OPN5: variants seen among roughly 807,000 people sequenced by gnomAD.
OPN5 encodes opsin 5.
OPN5 carries 18 observed loss-of-function variants against 41.7 expected under a neutral mutation model. The ratio of observed to expected loss-of-function variants is 0.43; its 90% CI spans 0.30 to 0.64. The LOEUF is 0.64. Among genes scored for constraint, OPN5 ranks in the 30% least tolerant of loss-of-function variants. The pLI is 0.13. For missense variants in OPN5, 318 were observed against 434.5 expected (o/e 0.73, Z 2.38); for synonymous variants, 178 against 164.3 (o/e 1.08, Z -0.64).
At chr6:47,818,464 T>C (rs1762497625) in intron 6 of OPN5, among the ~76,000 whole-genome samples, 2 of 152,230 alleles carry the variant, frequency 1.3e-5, no homozygotes, top group Non-Finnish European at 2.9e-5. Context: ...AATATAGGAC[T>C]GGGCCTGAAC....
chr6:47,810,268 C>A (rs1410419901), intron 5 of OPN5, among the ~76,000 whole-genome samples: 1 of 152,108 alleles, frequency 6.6e-6, no homozygotes, highest in Non-Finnish European at 1.5e-5. Context: ...GAGGTTGAAG[C>A]CTCTTTGTGG....
chr6:47,811,088 C>T (rs1774180144), intron 5 of OPN5, among the ~76,000 whole-genome samples: 1 of 152,148 alleles, frequency 6.6e-6, no homozygotes, highest in Non-Finnish European at 1.5e-5. Context: ...TACACAGAGA[C>T]CAGTGAGGCC....
At chr6:47,820,167 C>T (rs1050624122) in intron 6 of OPN5, among the ~76,000 whole-genome samples, 4 of 148,344 alleles carry the variant, frequency 2.7e-5, no homozygotes, top group Non-Finnish European at 6.0e-5. Context: ...GAGAGAGAGA[C>T]TGTCAGTTTT....
chr6:47,815,979 T>G (rs1453856902), intron 6 of OPN5, among the ~76,000 whole-genome samples: 1 of 152,162 alleles, frequency 6.6e-6, no homozygotes, highest in Non-Finnish European at 1.5e-5. Context: ...TACCCTCACA[T>G]GCACCACGAG....
At chr6:47,824,073 A>G in exon 7 of OPN5, 3 of 1,180,484 alleles carry the variant, frequency 2.5e-6, no homozygotes, top group Non-Finnish European at 3.7e-6. Context: ...TACAAATGTT[A>G]TTTTTCTGAC....
chr6:47,788,838 A>G (rs530671631), intron 2 of OPN5, among the ~76,000 whole-genome samples: 1 of 149,228 alleles, frequency 6.7e-6, no homozygotes, highest in Non-Finnish European at 1.5e-5. Context: ...AAAAATATGT[A>G]TAATGCCTGA....
chr6:47,799,511 T>A (rs1773690287), intron 4 of OPN5, among the ~76,000 whole-genome samples: 1 of 152,178 alleles, frequency 6.6e-6, no homozygotes, highest in Admixed American at 6.5e-5. Flanking sequence ...GGGTTCCTTG[T>A]GGTCTTAGTT....
chr6:47,812,751 T>A (rs1762289567), intron 6 of OPN5, among the ~76,000 whole-genome samples: 1 of 152,180 alleles, frequency 6.6e-6, no homozygotes, highest in South Asian at 2.1e-4. Context: ...CTCTATTCCA[T>A]CTACCTCCCC....
At chr6:47,794,388 T>C (rs556557313) in intron 3 of OPN5, among the ~76,000 whole-genome samples, 2 of 152,370 alleles carry the variant, frequency 1.3e-5, no homozygotes, top group East Asian at 3.9e-4. Flanking sequence ...GGTAATTTCC[T>C]GTGGAGGCTG....
chr6:47,808,495 C>G, intron 5 of OPN5, 100 bp downstream of exon 5: 2 of 1,321,738 alleles, frequency 1.5e-6, no homozygotes, highest in South Asian at 1.4e-5. Flanking sequence ...GGTTAAAGCT[C>G]ATCGCCTAGG....
chr6:47,808,521 A>G (rs1774064231), intron 5 of OPN5, 126 bp downstream of exon 5: 2 of 1,027,282 alleles, frequency 1.9e-6, no homozygotes, highest in African/African-American at 3.2e-5. Flanking sequence ...TGTAGGAAGG[A>G]CTTTATTTTC....
intron 2 of OPN5, among the ~76,000 whole-genome samples, chr6:47,787,447 A>G (rs1331466793): frequency 6.6e-6 from 1 of 152,210 alleles, no homozygotes; most frequent in Non-Finnish European, 1.5e-5. Flanking sequence ...ACAACTTCAG[A>G]GTTGCTTAGA....
At chr6:47,810,206 C>T (rs752956770) in intron 5 of OPN5, among the ~76,000 whole-genome samples, 25 of 152,062 alleles carry the variant, frequency 1.6e-4, no homozygotes, top group Non-Finnish European at 2.4e-4. Flanking sequence ...GGTCAGCTTT[C>T]GGGGAAAAAG....
At chr6:47,798,752 A>C (rs1581739030) in intron 4 of OPN5, among the ~76,000 whole-genome samples, 4 of 152,266 alleles carry the variant, frequency 2.6e-5, no homozygotes, top group African/African-American at 9.6e-5. Flanking sequence ...TACTAAATTG[A>C]AACTATTTTT....
intron 3 of OPN5, among the ~76,000 whole-genome samples, chr6:47,792,982 G>GTTTT (rs11409547): frequency 2.9e-5 from 4 of 138,062 alleles, no homozygotes; most frequent in African/African-American, 1.1e-4. Flanking sequence ...CCAGCACTAC[G>GTTTT]TTTTTTTTTT....
At chr6:47,811,448 G>A (rs1389664914) in intron 5 of OPN5, among the ~76,000 whole-genome samples, 1 of 152,134 alleles carries the variant, frequency 6.6e-6, no homozygotes. Context: ...CATACGAAAT[G>A]TGCTGTAAAT....
At chr6:47,803,815 C>T (rs1773864006) in intron 4 of OPN5, among the ~76,000 whole-genome samples, 1 of 152,128 alleles carries the variant, frequency 6.6e-6, no homozygotes, top group African/African-American at 2.4e-5. Context: ...GCGATTCTGC[C>T]CCACTCACAC....
intron 2 of OPN5, among the ~76,000 whole-genome samples, chr6:47,789,503 C>A (rs1773300525): frequency 6.6e-6 from 1 of 151,646 alleles, no homozygotes; most frequent in Non-Finnish European, 1.5e-5. Context: ...TTCTTACATA[C>A]CAGGCATTGA....
Position 47,805,424 on chromosome 6 carries a change from T to TTG in OPN5, c.757-2709_757-2708dup, listed in dbSNP as rs3031322. Among the ~76,000 whole-genome samples the TTG allele has an allele frequency of 9.3e-4, 140 of 150,464 alleles. No homozygotes were observed. In the South Asian group the frequency reaches 0.013, roughly 14 times the overall value. On this transcript the variant is annotated intron_variant, in intron 4 of 6. Transcript: ENST00000371211. ...ATGGAAAAAAAATTGATATTATTAA[T>TTG]TGTGTGTGTGTGTGTGTGTGTGCTG...
Sources: allele counts gnomAD v4.1 joint callset (sites outside exome capture counted in the v4.1 genomes callset), GRCh38; gene constraint gnomAD v4.1.1; transcripts MANE v1.5; gene names NCBI Gene and HGNC (gene_info 2026-07-23, HGNC 2026-07-21).